Variants in PWWP3B observed in about 807,000 individuals in gnomAD.
PWWP3B encodes the protein PWWP domain-containing DNA repair factor 3B.
A neutral mutation model predicts 15.7 loss-of-function variants in PWWP3B; 5 were observed. That is an observed-to-expected ratio of 0.32 (90% CI 0.17 to 0.67). The LOEUF is 0.67. Among genes scored for constraint, PWWP3B ranks in the 30% least tolerant of loss-of-function variants. The probability of loss-of-function intolerance (pLI) is 0.74; values close to 1 mark genes in which losing one functional copy is unlikely to be tolerated. For synonymous variants in PWWP3B, 203 were observed against 179.8 expected, an observed-to-expected ratio of 1.13 and a Z score of -1.03; for missense variants, 519 against 493.1, an observed-to-expected ratio of 1.05 and a Z score of -0.50.
intron 2 of PWWP3B, among the ~76,000 whole-genome samples, chrX:106,194,003 C>G (rs1160979936): frequency 2.7e-5 from 3 of 111,437 alleles, no homozygotes; most frequent in Non-Finnish European, 5.6e-5. Flanking sequence ...TTTGGTTAAT[C>G]TGACAATTAT....
chrX:106,179,077 A>G (rs1387096757), intron 2 of PWWP3B, among the ~76,000 whole-genome samples: 1 of 112,117 alleles, frequency 8.9e-6, no homozygotes, highest in East Asian at 2.8e-4. Flanking sequence ...AAGATATCCT[A>G]AATTTTCTCC....
intron 2 of PWWP3B, among the ~76,000 whole-genome samples, chrX:106,201,273 A>G (rs1364656494): frequency 9.0e-6 from 1 of 111,517 alleles, no homozygotes; most frequent in African/African-American, 3.3e-5. Context: ...AGAAAGAAAA[A>G]CAAAAGAATT....
At chrX:106,184,183 T>C (rs200263116) in intron 2 of PWWP3B, among the ~76,000 whole-genome samples, 2 of 111,333 alleles carry the variant, frequency 1.8e-5, no homozygotes, top group East Asian at 5.6e-4. Context: ...GTTGCCAGGT[T>C]TAATAATGCC....
rs773530060 is a variant in PWWP3B at position 106,207,213 on chromosome X, C to T, written c.1781C>T (p.Pro594Leu). 1 of 1,208,912 alleles carries T rather than the reference C, an allele frequency of 8.3e-7. No individual in the cohort carries two copies. The highest frequency in any genetic ancestry group is 2.2e-5 in the Admixed American group (1 of 45,755). ...TTTTTGAATGCAAATAGGTTCACACCCTGTATTGAAACATACTTTGAGGAT... is the reference window on the plus strand; with the variant it reads ...TTTTTGAATGCAAATAGGTTCACACTCTGTATTGAAACATACTTTGAGGAT... ...KSFLNANRFT[P>L]CIETYFEDED... Residue 594 changes from proline to leucine, a missense_variant, in exon 4 of 4, where the codon CCC (proline) becomes CTC (leucine). Pro to Leu is a moderately conservative substitution (Grantham distance 98). Coordinates refer to ENST00000357175, the MANE Select transcript of PWWP3B (RefSeq NM_001171020.2).
intron 2 of PWWP3B, among the ~76,000 whole-genome samples, chrX:106,191,416 C>T (rs1414576687): frequency 9.0e-6 from 1 of 111,698 alleles, no homozygotes; most frequent in Non-Finnish European, 1.9e-5. Context: ...GCTGAAGTTG[C>T]TTATCAGCTT....
chrX:106,175,042 A>G (rs1188828203), intron 2 of PWWP3B, among the ~76,000 whole-genome samples: 3 of 92,305 alleles, frequency 3.3e-5, no homozygotes, highest in Non-Finnish European at 6.0e-5. Flanking sequence ...CTCTGTCTCA[A>G]AAAAAAAAAA....
intron 2 of PWWP3B, among the ~76,000 whole-genome samples, chrX:106,200,938 C>T (rs1923664589): frequency 9.1e-6 from 1 of 109,396 alleles, no homozygotes; most frequent in South Asian, 3.9e-4. Flanking sequence ...GTCCCAGCTA[C>T]TCGGAAGGCT....
intron 2 of PWWP3B, among the ~76,000 whole-genome samples, chrX:106,196,835 C>T (rs1347411996): frequency 8.9e-6 from 1 of 112,059 alleles, no homozygotes; most frequent in Non-Finnish European, 1.9e-5. Flanking sequence ...CCTTTCCTCA[C>T]ATAATTGTCA....
chrX:106,186,577 G>A (rs1419780075), intron 2 of PWWP3B, among the ~76,000 whole-genome samples: 1 of 111,461 alleles, frequency 9.0e-6, no homozygotes, highest in Non-Finnish European at 1.9e-5. Flanking sequence ...TGTGTCCAGA[G>A]TTGGTTCCTT....
At chrX:106,198,152 C>T (rs780972275) in intron 2 of PWWP3B, among the ~76,000 whole-genome samples, 12 of 111,194 alleles carry the variant, frequency 1.1e-4, no homozygotes, top group African/African-American at 2.6e-4. Flanking sequence ...TTTTTGTATA[C>T]GGTTCTCTGG....
intron 2 of PWWP3B, among the ~76,000 whole-genome samples, chrX:106,184,030 G>C (rs1006220664): frequency 8.9e-6 from 1 of 111,859 alleles, no homozygotes; most frequent in Admixed American, 9.5e-5. Flanking sequence ...GCCCTACCGG[G>C]TGATTGGCCT....
rs1295263333 is a variant in PWWP3B at position 106,187,483 on chromosome X, A to G, written c.-401+16344A>G. Among the ~76,000 whole-genome samples, 3 of 111,738 alleles carry G rather than the reference A, an allele frequency of 2.7e-5. No homozygotes were observed. The East Asian group carries it at 8.4e-4, about 31-fold the overall frequency. On this transcript the variant is annotated intron_variant, in intron 2 of 3. Transcript: ENST00000357175. The stretch of plus-strand genomic sequence containing the variant: ...TATCCCTTTGTCCCTCTAAGTCACT[A>G]GTTGGTAATTTTTCTTTTTATTCAT...
intron 2 of PWWP3B, among the ~76,000 whole-genome samples, chrX:106,199,377 G>C (rs762954526): frequency 8.9e-6 from 1 of 111,738 alleles, no homozygotes; most frequent in South Asian, 3.8e-4. Flanking sequence ...ATTTGTATAA[G>C]ATCAACTATT....
chrX:106,207,652 A>T lies in PWWP3B; in HGVS notation c.*129A>T, dbSNP rs750527581. 1.6e-6 allele frequency: 1 copy of T among 606,574 alleles called. No individual in the cohort carries two copies. The highest frequency in any genetic ancestry group is 3.8e-5 in the East Asian group (1 of 26,449). 50.0% of individuals were successfully genotyped at this position (606,574 alleles called of 1,213,427 possible). Reference sequence around the variant, plus strand: ...TGGATAATGTGTTCACTTTTTTTTGAGATCTCTAGGATCTGTGGTTATAAT... The same window carrying T: ...TGGATAATGTGTTCACTTTTTTTTGTGATCTCTAGGATCTGTGGTTATAAT... On this transcript the variant is annotated 3_prime_UTR_variant, in exon 4 of 4. Transcript: ENST00000357175.
At position 106,206,285 on chromosome X, in the gene PWWP3B, G is replaced by C; in HGVS notation, c.853G>C (p.Gly285Arg). ...FSENIEDPGE[G>R]PSNPCLDTSQ... ...AGAGAATATTGAGGATCCTGGAGAG[G>C]GTCCCTCAAATCCATGCTTAGATAC... The change falls in exon 4 of 4, where the codon GGT becomes CGT. Residue 285 changes from glycine (G) to arginine (R), a missense_variant. Coordinates refer to ENST00000357175, the MANE Select transcript of PWWP3B (RefSeq NM_001171020.2). 1.7e-6 allele frequency: 2 copies of C among 1,205,728 alleles called. No homozygotes were observed.
At chrX:106,181,220 A>G (rs1257305741) in intron 2 of PWWP3B, among the ~76,000 whole-genome samples, 1 of 111,910 alleles carries the variant, frequency 8.9e-6, no homozygotes, top group Non-Finnish European at 1.9e-5. Flanking sequence ...AGCAGCAGCA[A>G]GACTTATTGT....
chrX:106,172,502 A>G (rs1921673940), intron 2 of PWWP3B, among the ~76,000 whole-genome samples: 1 of 110,059 alleles, frequency 9.1e-6, no homozygotes, highest in South Asian at 3.9e-4. Flanking sequence ...TTAAACACCA[A>G]CACACATATT....
In PWWP3B at chrX:106,206,935, T is replaced by A. The variant is rs772786179; in HGVS notation, c.1503T>A (p.Val501=). Reference sequence around the variant, plus strand: ...ATGCTGCTGATATTAGTTACCCAGTTAGGAAAGAAACAAAACAGGATACTT... The same window carrying A: ...ATGCTGCTGATATTAGTTACCCAGTAAGGAAAGAAACAAAACAGGATACTT... The part of the protein sequence containing the change: ...EYYAADISYP[V]RKETKQDTFR... The change falls in exon 4 of 4, where the codon GTT becomes GTA. Residue 501 remains valine, a synonymous_variant. Coordinates refer to ENST00000357175, the MANE Select transcript of PWWP3B (RefSeq NM_001171020.2). 8.3e-7 allele frequency: 1 copy of A among 1,209,488 alleles called. No homozygotes were observed. The highest frequency in any genetic ancestry group is 1.8e-5 in the South Asian group (1 of 56,742).
chrX:106,184,604 CA>C (rs1276388324), intron 2 of PWWP3B, among the ~76,000 whole-genome samples: 3 of 111,838 alleles, frequency 2.7e-5, no homozygotes, highest in Non-Finnish European at 5.6e-5. Context: ...CAGATATCTT[CA>C]AACTCTTGGG....
Sources: gnomAD v4.1 joint callset for allele counts (sites outside exome capture counted in the v4.1 genomes callset) on GRCh38, gnomAD v4.1.1 for gene constraint, MANE v1.5 for transcripts, NCBI Gene and HGNC (gene_info 2026-07-23, HGNC 2026-07-21) for gene names.